Variants in WDR48 observed in about 807,000 individuals in gnomAD.
The protein encoded by WDR48 is WD repeat domain 48, also known as WD repeat-containing protein 48.
WDR48 carries 22 observed loss-of-function variants against 94.0 expected under a neutral mutation model. The ratio of observed to expected loss-of-function variants is 0.23; its 90% CI spans 0.17 to 0.33. The LOEUF (loss-of-function observed/expected upper bound fraction) is 0.33. WDR48 is among the 10% of genes least tolerant of loss of function. The pLI is 1.00. For synonymous variants in WDR48, 278 were observed against 280.5 expected (o/e 0.99, Z 0.09); for missense variants, 541 against 813.8 (o/e 0.66, Z 4.08).
rs1559606504 is a variant in WDR48 at position 39,068,811 on chromosome 3, G to A, written c.522G>A (p.Leu174=). ...GAAACAAAGATTCCATTTATAGCCT[G>A]GCCATGAATCAACTGGGAACAATCA... is the stretch of plus-strand genomic sequence containing the variant. ...LSGNKDSIYS[L]AMNQLGTIIV... The change falls in exon 6 of 19, where the codon CTG becomes CTA. Residue 174 remains leucine (L), a synonymous_variant. Coordinates refer to ENST00000302313, the MANE Select transcript of WDR48 (RefSeq NM_020839.4). 1.2e-6 allele frequency: 2 copies of A among 1,603,412 alleles called. No individual in the cohort carries two copies. Among genetic ancestry groups the A allele is most frequent in the Middle Eastern group, 1.7e-4 (1 of 6,006 alleles).
intron 2 of WDR48, 32 bp from the exon 3 acceptor site, chr3:39,065,779 A>G (rs747933279): frequency 6.7e-7 from 1 of 1,488,692 alleles, no homozygotes; most frequent in East Asian, 2.3e-5. Flanking sequence ...ATTCTCTCAT[A>G]TAAACTCTTA....
At position 39,066,403 on chromosome 3, in the gene WDR48, G is replaced by A. The variant is rs182466773; in HGVS notation, c.269-145G>A. The A allele has an allele frequency of 4.7e-4, 311 of 668,510 alleles. 2 individuals are homozygous for A. In the East Asian group the frequency reaches 6.0e-3, roughly 13 times the overall value. 41.4% of individuals were successfully genotyped at this position (668,510 alleles called of 1,614,324 possible). On this transcript the variant is annotated intron_variant, in intron 3 of 18. Coordinates refer to ENST00000302313, the MANE Select transcript of WDR48 (RefSeq NM_020839.4). ...TAAAAAATTGAGGCAATATACAATAGGTTCTAGAAAGAGCTTTTAGGTATG... is the reference window on the plus strand; with the variant it reads ...TAAAAAATTGAGGCAATATACAATAAGTTCTAGAAAGAGCTTTTAGGTATG...
intron 11 of WDR48, among the ~76,000 whole-genome samples, chr3:39,080,806 A>G (rs1235344433): frequency 1.3e-5 from 2 of 152,222 alleles, no homozygotes; most frequent in Non-Finnish European, 2.9e-5. Context: ...GCATTTCAGG[A>G]AAAGGAAATG....
At chr3:39,067,447 C>G (rs1465850281) in intron 5 of WDR48, among the ~76,000 whole-genome samples, 3 of 152,170 alleles carry the variant, frequency 2.0e-5, no homozygotes, top group Non-Finnish European at 4.4e-5. Flanking sequence ...AGAGGCAATC[C>G]AGAGATGTTC....
At chr3:39,052,402 C>G (rs953976366) in intron 1 of WDR48, 12 of 285,124 alleles carry the variant, frequency 4.2e-5, no homozygotes, top group African/African-American at 2.8e-4. Flanking sequence ...CTTGCCCTGT[C>G]TTTCTTCGAA....
chr3:39,052,043 G>T lies in WDR48; in HGVS notation c.18G>T (p.Arg6=). MAAHH[R]QNTAGRRKVQ... ...CATGCAAGATGGCGGCCCATCACCG[G>T]CAGAACACAGCAGGGCGGAGGAAAG... The change falls in exon 1 of 19, where the codon CGG becomes CGT. Residue 6 remains arginine, a synonymous_variant. Coordinates refer to ENST00000302313, the MANE Select transcript of WDR48 (RefSeq NM_020839.4). The T allele has an allele frequency of 6.2e-7, 1 of 1,613,880 alleles. No individual in the cohort carries two copies. Among genetic ancestry groups the T allele is most frequent in the Non-Finnish European group, 8.5e-7 (1 of 1,179,934 alleles).
chr3:39,063,235 T>C (rs532201602), intron 2 of WDR48, 45 bp downstream of exon 2: 13 of 1,602,338 alleles, frequency 8.1e-6, no homozygotes, highest in Non-Finnish European at 1.0e-5. Context: ...TCTGGACAAA[T>C]GGCTTTTACT....
rs772036181 is a variant in WDR48 at position 39,094,538 on chromosome 3, A to G, written c.1939-110A>G. On this transcript the variant is annotated intron_variant, in intron 18 of 18. Coordinates refer to ENST00000302313, the MANE Select transcript of WDR48 (RefSeq NM_020839.4). ...TGACAGCAAGAATTGGATACCAGGCATAGGGGAGGAGTGAGCAAGCTGGAT... is the reference window on the plus strand; with the variant it reads ...TGACAGCAAGAATTGGATACCAGGCGTAGGGGAGGAGTGAGCAAGCTGGAT... 25 of 1,548,702 alleles carry G rather than the reference A, an allele frequency of 1.6e-5. No individual in the cohort carries two copies. In the African/African-American group the frequency reaches 2.5e-4, roughly 15 times the overall value.
At chr3:39,083,333 A>C (rs751918687) in intron 11 of WDR48, among the ~76,000 whole-genome samples, 2 of 152,136 alleles carry the variant, frequency 1.3e-5, no homozygotes, top group Non-Finnish European at 2.9e-5. Flanking sequence ...TTTTGTTTGG[A>C]TATTTGGGTA....
At chr3:39,054,050 G>A (rs1696335622) in intron 1 of WDR48, among the ~76,000 whole-genome samples, 1 of 152,218 alleles carries the variant, frequency 6.6e-6, no homozygotes, top group African/African-American at 2.4e-5. Context: ...AAGATTCAGG[G>A]AACTTTCGGA....
chr3:39,068,425 T>C (rs946714909), intron 5 of WDR48, among the ~76,000 whole-genome samples: 1 of 152,214 alleles, frequency 6.6e-6, no homozygotes, highest in Non-Finnish European at 1.5e-5. Context: ...TCTTGGTGTA[T>C]GAAACAGTGT....
chr3:39,069,392 GGTTTT>G (rs145356000), intron 6 of WDR48, among the ~76,000 whole-genome samples: 4,378 of 152,170 alleles, frequency 0.029, 210 homozygotes, highest in African/African-American at 0.1. Flanking sequence ...CTAAACAAAA[GGTTTT>G]ATTTGAATAA....
At chr3:39,073,616 C>T (rs2034055547) in intron 7 of WDR48, among the ~76,000 whole-genome samples, 1 of 152,180 alleles carries the variant, frequency 6.6e-6, no homozygotes, top group Non-Finnish European at 1.5e-5. Context: ...CTGCAAGTCA[C>T]CACAGTAACA....
chr3:39,065,776 C>A, intron 2 of WDR48, 35 bp from the exon 3 acceptor site: 1 of 1,438,416 alleles, frequency 7.0e-7, no homozygotes, highest in South Asian at 1.2e-5. Context: ...TTCATTCTCT[C>A]ATATAAACTC....
At position 39,085,614 on chromosome 3, in the gene WDR48, A is replaced by G; in HGVS notation, c.1474+4A>G. 6.2e-7 allele frequency: 1 copy of G among 1,605,070 alleles called. No individual in the cohort carries two copies. Among genetic ancestry groups the G allele is most frequent in the Non-Finnish European group, 8.5e-7 (1 of 1,176,156 alleles). The stretch of plus-strand genomic sequence containing the variant: ...GAGGAAAATGAAGTAAACCATGGTT[A>G]GTTTTTATATTCAGATAGTTGCATA... On this transcript the variant is annotated splice_donor_region_variant and intron_variant, in intron 14 of 18. Coordinates refer to ENST00000302313, the MANE Select transcript of WDR48 (RefSeq NM_020839.4).
rs1415121855 is a variant in WDR48, at chr3:39,069,721, C to G, written c.649C>G (p.Leu217Val). 2 of 1,613,066 alleles carry G rather than the reference C, an allele frequency of 1.2e-6. No individual in the cohort carries two copies. The highest frequency in any genetic ancestry group is 1.7e-6 in the Non-Finnish European group (2 of 1,179,368). The change falls in exon 7 of 19, where the codon CTA becomes GTA. Residue 217 changes from leucine (L) to valine (V), a missense_variant. Coordinates refer to ENST00000302313, the MANE Select transcript of WDR48 (RefSeq NM_020839.4). ...GCACACGGATAATGTGAAGGCATTGCTATTAAACAGAGATGGCACGCAAGT... is the reference window on the plus strand; with the variant it reads ...GCACACGGATAATGTGAAGGCATTGGTATTAAACAGAGATGGCACGCAAGT... ...KGHTDNVKALLLNRDGTQCLS... is the reference protein window; with the variant it reads ...KGHTDNVKALVLNRDGTQCLS...
intron 14 of WDR48, 114 bp downstream of exon 14, chr3:39,085,724 T>C: frequency 1.2e-6 from 1 of 828,918 alleles, no homozygotes; most frequent in Non-Finnish European, 1.9e-6. Context: ...GTGTACTCAG[T>C]TTATTGTCCT....
At chr3:39,073,850 C>T (rs1192266579) in intron 7 of WDR48, among the ~76,000 whole-genome samples, 5 of 152,130 alleles carry the variant, frequency 3.3e-5, no homozygotes, top group East Asian at 1.9e-4. Context: ...TTCTGATTCC[C>T]GTCAGTAGAA....
At chr3:39,055,417 G>A (rs547359116) in intron 1 of WDR48, among the ~76,000 whole-genome samples, 31 of 152,270 alleles carry the variant, frequency 2.0e-4, no homozygotes, top group African/African-American at 7.2e-4. Context: ...CCCAGGAGGC[G>A]GAGGTTGCAG....
Sources: gnomAD v4.1 joint callset for allele counts (sites outside exome capture counted in the v4.1 genomes callset) on GRCh38, gnomAD v4.1.1 for gene constraint, MANE v1.5 for transcripts, NCBI Gene and HGNC (gene_info 2026-07-23, HGNC 2026-07-21) for gene names.